LIPA: variants seen among roughly 807,000 people sequenced by gnomAD.
LIPA encodes lysosomal acid lipase/cholesteryl ester hydrolase.
In LIPA, 26 loss-of-function variants were observed where a neutral mutation model predicts 40.6. The ratio of observed to expected loss-of-function variants is 0.64; its 90% CI spans 0.47 to 0.89. The LOEUF (loss-of-function observed/expected upper bound fraction) is 0.89. LIPA is among the 40% of genes least tolerant of loss of function. The pLI, the probability that LIPA is intolerant of heterozygous loss-of-function variation, is 0.00. For missense variants in LIPA, 455 were observed against 479.6 expected, an observed-to-expected ratio of 0.95 and a Z score of 0.48; for synonymous variants, 188 against 168.4, an observed-to-expected ratio of 1.12 and a Z score of -0.90.
At chr10:89,412,418 T>G (rs1727374274) in intron 2 of LIPA, among the ~76,000 whole-genome samples, 1 of 151,920 alleles carries the variant, frequency 6.6e-6, no homozygotes, top group Non-Finnish European at 1.5e-5. Flanking sequence ...CAATCAGCAC[T>G]TTGTAAAGTG....
At chr10:89,378,499 C>T (rs548442359) in intron 2 of LIPA, among the ~76,000 whole-genome samples, 60 of 152,238 alleles carry the variant, frequency 3.9e-4, no homozygotes, top group Non-Finnish European at 7.2e-4. Context: ...GGAGGGGCTT[C>T]TCAAGAGGCC....
chr10:89,318,409 C>T (rs576813202), intron 1 of LIPA, among the ~76,000 whole-genome samples: 8 of 152,212 alleles, frequency 5.3e-5, no homozygotes, highest in Non-Finnish European at 8.8e-5. Context: ...AGCAGGGTTG[C>T]AATCCTAGTC....
Position 89,226,921 on chromosome 10 carries a change from A to G in LIPA, c.512T>C (p.Val171Ala). 1 of 1,606,854 alleles carries G rather than the reference A, an allele frequency of 6.2e-7. No individual in the cohort carries two copies. The change falls in exon 5 of 10, where the codon GTG (valine) becomes GCG (alanine). Residue 171 changes from valine to alanine, a missense_variant. By Grantham distance (64) the Val-to-Ala change is moderately conservative. Transcript: ENST00000336233. ...TATAGTGGTGCCTTGAGAATGACCC[A>G]CATAATACACTTGTTCTTGGCCAGT... ...NKTGQEQVYY[V>A]GHSQGTTIGF...
At chr10:89,394,264 T>G (rs1254789862) in intron 2 of LIPA, among the ~76,000 whole-genome samples, 1 of 152,170 alleles carries the variant, frequency 6.6e-6, no homozygotes, top group Non-Finnish European at 1.5e-5. Context: ...ATTGTGGCAT[T>G]AAAATCTTAT....
chr10:89,370,948 G>A (rs1215605156), intron 2 of LIPA, among the ~76,000 whole-genome samples: 2 of 152,200 alleles, frequency 1.3e-5, no homozygotes, highest in Non-Finnish European at 2.9e-5. Context: ...AACCCAGGAG[G>A]CAGAGACTGC....
chr10:89,362,685 A>T (rs1844030500), intron 2 of LIPA: 1 of 653,364 alleles, frequency 1.5e-6, no homozygotes, highest in Non-Finnish European at 2.5e-6. Context: ...CATTTGCAAG[A>T]AGTTTGCAAA....
intron 3 of LIPA, among the ~76,000 whole-genome samples, chr10:89,243,727 G>A (rs1842990693): frequency 6.6e-6 from 1 of 152,078 alleles, no homozygotes; most frequent in Admixed American, 6.6e-5. Flanking sequence ...ATATTCCAGG[G>A]CACTGCACCT....
intron 6 of LIPA, 46 bp from the exon 7 acceptor site, chr10:89,223,876 G>A (rs1842734049): frequency 6.3e-7 from 1 of 1,593,856 alleles, no homozygotes. Flanking sequence ...ATTTCACTCT[G>A]GTGCATAAGT....
intron 1 of LIPA, chr10:89,339,560 G>A (rs1843816388): frequency 1.2e-6 from 2 of 1,614,132 alleles, no homozygotes; most frequent in Non-Finnish European, 1.7e-6. Flanking sequence ...GAAGCTAGTG[G>A]AAATAAAGAG....
intron 3 of LIPA, among the ~76,000 whole-genome samples, chr10:89,242,299 G>C (rs1035842655): frequency 6.6e-6 from 1 of 152,238 alleles, no homozygotes; most frequent in African/African-American, 2.4e-5. Flanking sequence ...GGCTACTACT[G>C]TGCAGAATGG....
intron 3 of LIPA, among the ~76,000 whole-genome samples, chr10:89,236,377 A>C (rs1297408867): frequency 8.2e-6 from 1 of 122,254 alleles, no homozygotes; most frequent in Non-Finnish European, 1.6e-5. Flanking sequence ...GACACTAATC[A>C]TCTCCACGTA....
At chr10:89,310,265 A>AC (rs1207113833) in intron 1 of LIPA, among the ~76,000 whole-genome samples, 1 of 152,130 alleles carries the variant, frequency 6.6e-6, no homozygotes, top group Admixed American at 6.5e-5. Context: ...TAGAGCTCAG[A>AC]CACAGTCCCT....
In LIPA at chr10:89,310,101, T is replaced by A. The variant is rs551670747; in HGVS notation, c.-2+32510A>T. Reference sequence around the variant, plus strand: ...GATTGCCACCTTGAGAGTACTAATATCTCTGCCAACAATGTTTTCAAGTGT... The same window carrying A: ...GATTGCCACCTTGAGAGTACTAATAACTCTGCCAACAATGTTTTCAAGTGT... On this transcript the variant is annotated intron_variant, in intron 1 of 5. Transcript: ENST00000282673. Among the ~76,000 whole-genome samples the A allele has an allele frequency of 7.6e-4, 115 of 152,314 alleles. 1 individual carries two copies. The highest frequency in any genetic ancestry group is 2.7e-3 in the African/African-American group (112 of 41,560).
At chr10:89,402,225 T>A in intron 2 of LIPA, 1 of 1,167,978 alleles carries the variant, frequency 8.6e-7, no homozygotes, top group Non-Finnish European at 1.2e-6. Flanking sequence ...TTTATCTGAC[T>A]TTTTTCTTTT....
At chr10:89,392,202 A>G (rs1844262264) in intron 2 of LIPA, among the ~76,000 whole-genome samples, 1 of 152,232 alleles carries the variant, frequency 6.6e-6, no homozygotes, top group African/African-American at 2.4e-5. Flanking sequence ...ATTAATTAAG[A>G]GTAGATTTTT....
chr10:89,343,993 T>G (rs1330132592), upstream of LIPA, among the ~76,000 whole-genome samples: 1 of 152,222 alleles, frequency 6.6e-6, no homozygotes, highest in African/African-American at 2.4e-5. Context: ...TAGACCTATT[T>G]CAACCTCACC....
intron 3 of LIPA, among the ~76,000 whole-genome samples, chr10:89,232,197 G>A (rs1436284944): frequency 2.6e-5 from 4 of 152,156 alleles, no homozygotes; most frequent in African/African-American, 4.8e-5. Flanking sequence ...AATGGTGACC[G>A]GGCGCTGTAC....
At chr10:89,306,273 A>G in intron 1 of LIPA, 3 of 1,614,172 alleles carry the variant, frequency 1.9e-6, no homozygotes, top group Non-Finnish European at 2.5e-6. Flanking sequence ...GTCTACTATC[A>G]CATGGGCCGA....
intron 2 of LIPA, among the ~76,000 whole-genome samples, 189 bp downstream of exon 2, chr10:89,247,349 G>A (rs2133467204): frequency 7.3e-6 from 1 of 137,088 alleles, no homozygotes; most frequent in East Asian, 2.1e-4. Context: ...TCCAGCCTGG[G>A]CGGGCAGGTG....
Sources: allele counts gnomAD v4.1 joint callset (sites outside exome capture counted in the v4.1 genomes callset), GRCh38; gene constraint gnomAD v4.1.1; transcripts MANE v1.5; gene names NCBI Gene and HGNC (gene_info 2026-07-23, HGNC 2026-07-21).